The following IL1R1 variants were observed in gnomAD, a reference collection of about 807,000 sequenced individuals.
The protein encoded by IL1R1 is interleukin 1 receptor type 1.
In IL1R1, 22 loss-of-function variants were observed where a neutral mutation model predicts 50.2. That is an observed-to-expected ratio of 0.44 (90% CI 0.31 to 0.63). The LOEUF (loss-of-function observed/expected upper bound fraction) is 0.63. Ranked by LOEUF, IL1R1 falls within the 20% of genes least tolerant of loss-of-function variation. IL1R1 has a pLI of 0.07. For synonymous variants in IL1R1, 251 were observed against 236.7 expected (o/e 1.06, Z -0.55); for missense variants, 509 against 676.2 (o/e 0.75, Z 2.74).
intron 10 of IL1R1, 117 bp downstream of exon 10, chr2:102,174,847 T>C: frequency 1.4e-6 from 1 of 711,816 alleles, no homozygotes; most frequent in Non-Finnish European, 2.3e-6. Flanking sequence ...AAGTGGCATA[T>C]ACAAGAATAC....
chr2:102,170,329 C>A (rs958924663), intron 7 of IL1R1, among the ~76,000 whole-genome samples: 1 of 152,272 alleles, frequency 6.6e-6, no homozygotes, highest in Admixed American at 6.5e-5. Flanking sequence ...ATACTATAGA[C>A]CTTCTCACTA....
At chr2:102,073,949 C>T (rs1323012640) in intron 1 of IL1R1, among the ~76,000 whole-genome samples, 2 of 152,082 alleles carry the variant, frequency 1.3e-5, no homozygotes, top group Admixed American at 6.5e-5. Context: ...GCAAACAGGT[C>T]GAGGGACTTA....
intron 1 of IL1R1, among the ~76,000 whole-genome samples, chr2:102,087,719 T>C (rs1021035551): frequency 2.0e-5 from 3 of 152,172 alleles, no homozygotes; most frequent in Non-Finnish European, 2.9e-5. Flanking sequence ...CTTCACCTTC[T>C]TCCATGATTG....
rs550475761 is a variant in IL1R1 at position 102,095,433 on chromosome 2, T to A, written c.-84+24900T>A. 2.1e-3 allele frequency among the ~76,000 whole-genome samples: 317 copies of A among 152,338 alleles called. 1 individual carries two copies. The highest frequency in any genetic ancestry group is 2.5e-3 in the Non-Finnish European group (170 of 68,032). ...AACAAGAAGATGAGAGGACATTGATTACTTAAAAATTTTTACATTAAAGAA... is the reference window on the plus strand; with the variant it reads ...AACAAGAAGATGAGAGGACATTGATAACTTAAAAATTTTTACATTAAAGAA... On this transcript the variant is annotated intron_variant, in intron 1 of 11. Transcript: ENST00000409929.
Position 102,176,808 on chromosome 2 carries a change from T to G in IL1R1, c.*49T>G. The G allele has an allele frequency of 6.4e-7, 1 of 1,567,300 alleles. No individual in the cohort carries two copies. The highest frequency in any genetic ancestry group is 8.7e-7 in the Non-Finnish European group (1 of 1,145,766). ...TTTAGGTGCCTCCTGTCTTATGGCG[T>G]TGCAGGCCAGGTTATGCCTCATGCT... On this transcript the variant is annotated 3_prime_UTR_variant, in exon 12 of 12. Transcript: ENST00000410023.
At chr2:102,152,011 G>A (rs1447585305) in intron 1 of IL1R1, among the ~76,000 whole-genome samples, 3 of 152,142 alleles carry the variant, frequency 2.0e-5, no homozygotes, top group African/African-American at 7.2e-5. Context: ...CTGCAGAGAT[G>A]TTCAGTGGGC....
intron 8 of IL1R1, 113 bp downstream of exon 8, chr2:102,172,031 C>CTTTTGTTTT (rs1685720924): frequency 1.1e-5 from 1 of 87,246 alleles, no homozygotes. Context: ...CCTTTGCTGC[C>CTTTTGTTTT]TTTTTTTTTT....
Position 102,171,911 on chromosome 2 carries a change from T to C in IL1R1, c.832T>C (p.Tyr278His). 1 of 1,521,918 alleles carries C rather than the reference T, an allele frequency of 6.6e-7. No homozygotes were observed. Among genetic ancestry groups the C allele is most frequent in the South Asian group, 1.2e-5 (1 of 86,938 alleles). The allele number at this position is 1,521,918 out of a possible 1,614,324, so 94.3% of individuals were successfully genotyped here. A position where few individuals can be genotyped will look rare whatever the true frequency, so the allele number is the denominator to read the frequency against. Reference sequence around the variant, plus strand: ...AGATGACCCAGTGCTAGGGGAAGACTATTACAGGTATGTATGCTAAGAGTT... The same window carrying C: ...AGATGACCCAGTGCTAGGGGAAGACCATTACAGGTATGTATGCTAAGAGTT... ...DEDDPVLGED[Y>H]YSVENPANKR... Residue 278 changes from tyrosine (Y) to histidine (H), a missense_variant, in exon 8 of 12, where the codon TAT becomes CAT. Tyr to His is a moderately conservative substitution (Grantham distance 83). Transcript: ENST00000410023.
intron 3 of IL1R1, among the ~76,000 whole-genome samples, chr2:102,161,768 C>T (rs3917262): frequency 2.2e-3 from 342 of 152,098 alleles, no homozygotes; most frequent in African/African-American, 7.9e-3. Flanking sequence ...GGTGCGATCT[C>T]GGCTCACAGC....
Position 102,176,469 on chromosome 2 carries a change from A to G in IL1R1, c.1420A>G (p.Met474Val), listed in dbSNP as rs919061780. 6.2e-7 allele frequency: 1 copy of G among 1,614,228 alleles called. No homozygotes were observed. The highest frequency in any genetic ancestry group is 8.5e-7 in the Non-Finnish European group (1 of 1,180,024). ...TGGTTCATCTGAAGAGCAAATAGCC[A>G]TGTATAATGCTCTTGTTCAGGATGG... ...LGGSSEEQIA[M>V]YNALVQDGIK... The change falls in exon 12 of 12, where the codon ATG becomes GTG. Residue 474 changes from methionine (M) to valine (V), a missense_variant. Coordinates refer to ENST00000410023, the MANE Select transcript of IL1R1 (RefSeq NM_000877.4).
intron 2 of IL1R1, among the ~76,000 whole-genome samples, chr2:102,156,720 C>T (rs928739672): frequency 6.6e-6 from 1 of 152,094 alleles, no homozygotes; most frequent in Non-Finnish European, 1.5e-5. Flanking sequence ...ATCATGTTGG[C>T]CAGGCTTGTC....
At chr2:102,101,868 T>C (rs998082251), upstream of IL1R1, among the ~76,000 whole-genome samples, 1 of 152,216 alleles carries the variant, frequency 6.6e-6, no homozygotes, top group Non-Finnish European at 1.5e-5. Context: ...GATTATCCAT[T>C]AACTTCTGAT....
At chr2:102,155,279 C>T (rs778403808) in intron 2 of IL1R1, among the ~76,000 whole-genome samples, 3 of 152,224 alleles carry the variant, frequency 2.0e-5, no homozygotes, top group South Asian at 2.1e-4. Flanking sequence ...ACCCACATAG[C>T]GCCATCAATG....
rs371852129 is a variant in IL1R1, at chr2:102,074,457, C to T, written c.-84+3924C>T. On this transcript the variant is annotated intron_variant, in intron 1 of 11. Coordinates refer to the IL1R1 transcript ENST00000409929. ...ATGGTCTTTCTGCATTCTCTCCAGC[C>T]GGGTGGCCTATTCCTTACATGGTAG... Among the ~76,000 whole-genome samples, 9 of 108,710 alleles carry T rather than the reference C, an allele frequency of 8.3e-5. No individual in the cohort carries two copies. The East Asian group carries it at 1.7e-3, about 20-fold the overall frequency. The allele number at this position is 108,710 out of a possible 152,430, so 71.3% of individuals were successfully genotyped here.
At chr2:102,104,262 C>G (rs1263934500), upstream of IL1R1, among the ~76,000 whole-genome samples, 1 of 152,148 alleles carries the variant, frequency 6.6e-6, no homozygotes, top group African/African-American at 2.4e-5. Context: ...TGGGCTGACT[C>G]TAGGGAGATT....
At chr2:102,150,144 A>T (rs1278952489) in intron 1 of IL1R1, among the ~76,000 whole-genome samples, 1 of 152,186 alleles carries the variant, frequency 6.6e-6, no homozygotes, top group African/African-American at 2.4e-5. Flanking sequence ...GAAATTCCTC[A>T]AGAAAAAGAA....
intron 1 of IL1R1, among the ~76,000 whole-genome samples, chr2:102,106,863 G>A (rs1220413093): frequency 1.3e-5 from 2 of 152,172 alleles, no homozygotes; most frequent in Non-Finnish European, 2.9e-5. Context: ...TTGGCAGGTA[G>A]TTGATTGTTT....
At chr2:102,077,976 G>A (rs1000624163) in intron 1 of IL1R1, among the ~76,000 whole-genome samples, 3 of 152,034 alleles carry the variant, frequency 2.0e-5, no homozygotes, top group African/African-American at 7.3e-5. Context: ...AATATCAAAT[G>A]GGTCAAAGAA....
Position 102,179,112 on chromosome 2 carries a change from G to A in IL1R1, c.*2353G>A, listed in dbSNP as rs1333899935. ...CACAGACTACAGCCAGAAGCCCATG[G>A]AGCAGGGATGTCACGTCTTGAAAAG... is the stretch of plus-strand genomic sequence containing the variant. On this transcript the variant is annotated 3_prime_UTR_variant, in exon 12 of 12. Transcript: ENST00000410023. 1 of 152,298 alleles carries A rather than the reference G, an allele frequency of 6.6e-6. No individual in the cohort carries two copies. Among genetic ancestry groups the A allele is most frequent in the African/African-American group, 2.4e-5 (1 of 41,430 alleles). 9.4% of individuals were successfully genotyped at this position (152,298 alleles called of 1,614,324 possible).
Sources: gnomAD v4.1 joint callset for allele counts (sites outside exome capture counted in the v4.1 genomes callset) on GRCh38, gnomAD v4.1.1 for gene constraint, MANE v1.5 for transcripts, NCBI Gene and HGNC (gene_info 2026-07-23, HGNC 2026-07-21) for gene names.